Variants in CLDN10 observed in about 807,000 individuals in gnomAD.
CLDN10 encodes claudin 10, also known as claudin-10.
CLDN10 carries 15 observed loss-of-function variants against 22.9 expected under a neutral mutation model. The ratio of observed to expected loss-of-function variants is 0.65; its 90% CI spans 0.44 to 1.01. The LOEUF (loss-of-function observed/expected upper bound fraction) is 1.01. Ranked by LOEUF, CLDN10 falls within the 50% of genes least tolerant of loss-of-function variation. The pLI, the probability that CLDN10 is intolerant of heterozygous loss-of-function variation, is 0.00. For missense variants in CLDN10, 247 were observed against 287.8 expected (o/e 0.86, Z 1.03); for synonymous variants, 114 against 111.4 (o/e 1.02, Z -0.15).
At chr13:95,493,732 G>C (rs886526735) in intron 1 of CLDN10, among the ~76,000 whole-genome samples, 36 of 151,970 alleles carry the variant, frequency 2.4e-4, no homozygotes, top group African/African-American at 8.7e-4. Context: ...GCTAATTTTT[G>C]TATTTTTTGT....
intron 1 of CLDN10, among the ~76,000 whole-genome samples, chr13:95,450,655 T>A (rs2042424346): frequency 6.6e-6 from 1 of 152,210 alleles, no homozygotes; most frequent in African/African-American, 2.4e-5. Context: ...TGCTGCTTCT[T>A]CAGACTGCAC....
At position 95,578,223 on chromosome 13, in the gene CLDN10, C is replaced by T; in HGVS notation, c.*209C>T. The T allele has an allele frequency of 2.7e-6, 1 of 372,888 alleles. No individual in the cohort carries two copies. The highest frequency in any genetic ancestry group is 4.8e-6 in the Non-Finnish European group (1 of 208,088). The allele number at this position is 372,888 out of a possible 1,614,324, so 23.1% of individuals were successfully genotyped here. On this transcript the variant is annotated 3_prime_UTR_variant, in exon 5 of 5. Transcript: ENST00000299339. Reference sequence around the variant, plus strand: ...GTTGTGGCTTTCTATAAAAAATAAACAGTTTATTTACAGGATTTGTAAAAT... The same window carrying T: ...GTTGTGGCTTTCTATAAAAAATAAATAGTTTATTTACAGGATTTGTAAAAT...
chr13:95,530,921 C>T (rs1259472062), intron 1 of CLDN10, among the ~76,000 whole-genome samples: 1 of 151,354 alleles, frequency 6.6e-6, no homozygotes, highest in Non-Finnish European at 1.5e-5. Flanking sequence ...AGAAACTGAT[C>T]ATCTTTCCTT....
intron 1 of CLDN10, among the ~76,000 whole-genome samples, chr13:95,516,982 C>A: frequency 2.9e-5 from 1 of 34,958 alleles, no homozygotes; most frequent in Admixed American, 3.7e-4. Flanking sequence ...TTCCTTCCTT[C>A]CTTCCTTCCT....
chr13:95,481,819 A>G (rs982428351), intron 1 of CLDN10, among the ~76,000 whole-genome samples: 1 of 152,178 alleles, frequency 6.6e-6, no homozygotes, highest in African/African-American at 2.4e-5. Flanking sequence ...CAGGAGTTGG[A>G]GACCAGCCTG....
intron 1 of CLDN10, among the ~76,000 whole-genome samples, chr13:95,538,961 C>T (rs1466071753): frequency 6.6e-6 from 1 of 152,150 alleles, no homozygotes; most frequent in Non-Finnish European, 1.5e-5. Context: ...CTCACTGCAA[C>T]CACCGCCTCC....
At chr13:95,505,622 C>T (rs1277530942) in intron 1 of CLDN10, among the ~76,000 whole-genome samples, 1 of 152,140 alleles carries the variant, frequency 6.6e-6, no homozygotes, top group Non-Finnish European at 1.5e-5. Context: ...CGAATCACTG[C>T]CATAACAGGT....
At chr13:95,451,226 C>T (rs1006945749) in intron 1 of CLDN10, among the ~76,000 whole-genome samples, 6 of 152,234 alleles carry the variant, frequency 3.9e-5, no homozygotes, top group African/African-American at 1.4e-4. Context: ...TTCAGTCCTC[C>T]TGCTTCAATC....
intron 1 of CLDN10, among the ~76,000 whole-genome samples, chr13:95,527,633 G>C (rs1289101036): frequency 6.6e-6 from 1 of 152,158 alleles, no homozygotes; most frequent in Non-Finnish European, 1.5e-5. Flanking sequence ...CTACTCAGGA[G>C]GCTGAGGCAG....
intron 1 of CLDN10, among the ~76,000 whole-genome samples, chr13:95,444,968 G>A (rs188989502): frequency 6.6e-5 from 10 of 152,262 alleles, no homozygotes; most frequent in South Asian, 2.1e-4. Context: ...TAGAGACAGC[G>A]TTTTACCATG....
chr13:95,546,358 G>A (rs2043509635), intron 1 of CLDN10, among the ~76,000 whole-genome samples: 1 of 151,764 alleles, frequency 6.6e-6, no homozygotes. Flanking sequence ...ATCTCTCTGT[G>A]GTTCAGTTTC....
chr13:95,510,779 T>G (rs1002139750), intron 1 of CLDN10, among the ~76,000 whole-genome samples: 5 of 152,274 alleles, frequency 3.3e-5, no homozygotes, highest in African/African-American at 9.6e-5. Context: ...TATTGATAAT[T>G]CATAAATTAT....
At chr13:95,566,329 G>A (rs764175676) in intron 3 of CLDN10, among the ~76,000 whole-genome samples, 12 of 152,152 alleles carry the variant, frequency 7.9e-5, no homozygotes, top group Non-Finnish European at 1.6e-4. Context: ...TAACTGGCAT[G>A]GATGGTATCT....
At chr13:95,512,961 A>G (rs1246637679) in intron 1 of CLDN10, among the ~76,000 whole-genome samples, 1 of 152,110 alleles carries the variant, frequency 6.6e-6, no homozygotes, top group Non-Finnish European at 1.5e-5. Context: ...CTGCAGCCTC[A>G]ACCTGCTGGG....
intron 1 of CLDN10, among the ~76,000 whole-genome samples, chr13:95,556,550 C>G (rs573566544): frequency 6.6e-6 from 1 of 152,324 alleles, no homozygotes. Flanking sequence ...TTTCTTACTG[C>G]TCAGCAGACA....
At chr13:95,435,769 G>A (rs1015448191) in intron 1 of CLDN10, among the ~76,000 whole-genome samples, 1 of 151,946 alleles carries the variant, frequency 6.6e-6, no homozygotes, top group Non-Finnish European at 1.5e-5. Flanking sequence ...TAGAAGAGAT[G>A]GCATATGGTA....
chr13:95,505,664 G>T (rs2043030217), intron 1 of CLDN10, among the ~76,000 whole-genome samples: 1 of 151,544 alleles, frequency 6.6e-6, no homozygotes, highest in Non-Finnish European at 1.5e-5. Context: ...GGGCAAAGCA[G>T]ATGTTTACAA....
At chr13:95,449,426 T>C (rs1415685304) in intron 1 of CLDN10, among the ~76,000 whole-genome samples, 1 of 151,880 alleles carries the variant, frequency 6.6e-6, no homozygotes, top group Non-Finnish European at 1.5e-5. Flanking sequence ...TAATTTTGTA[T>C]TTTTAGTAGA....
chr13:95,488,740 A>G (rs6492798), intron 1 of CLDN10, among the ~76,000 whole-genome samples: 83,140 of 151,794 alleles, frequency 0.55, 23,657 homozygotes, highest in African/African-American at 0.71. Flanking sequence ...ATATATATAT[A>G]TGCCACTATA....
Sources: allele counts gnomAD v4.1 joint callset (sites outside exome capture counted in the v4.1 genomes callset), GRCh38; gene constraint gnomAD v4.1.1; transcripts MANE v1.5; gene names NCBI Gene and HGNC (gene_info 2026-07-23, HGNC 2026-07-21).